KLHDC10: variants seen among roughly 807,000 people sequenced by gnomAD.
The protein encoded by KLHDC10 is kelch domain-containing protein 10.
In KLHDC10, 24 loss-of-function variants were observed where a neutral mutation model predicts 56.1. The observed-to-expected ratio is 0.43, with a 90% CI of 0.31 to 0.60. The LOEUF is 0.60. Ranked by LOEUF, KLHDC10 falls within the 20% of genes least tolerant of loss-of-function variation. The probability of loss-of-function intolerance (pLI) is 0.11; values close to 1 mark genes in which losing one functional copy is unlikely to be tolerated. For synonymous variants in KLHDC10, 188 were observed against 207.1 expected, an observed-to-expected ratio of 0.91 and a Z score of 0.79; for missense variants, 349 against 567.0, an observed-to-expected ratio of 0.62 and a Z score of 3.91.
chr7:130,080,290 T>C (rs1021055487), intron 1 of KLHDC10, among the ~76,000 whole-genome samples: 3 of 152,142 alleles, frequency 2.0e-5, no homozygotes, highest in Non-Finnish European at 4.4e-5. Flanking sequence ...TTAAATGGCA[T>C]TGAAGTTAAA....
intron 1 of KLHDC10, among the ~76,000 whole-genome samples, chr7:130,093,707 G>A (rs958150600): frequency 1.3e-5 from 2 of 152,118 alleles, no homozygotes; most frequent in Admixed American, 6.5e-5. Flanking sequence ...CTGTTATGTT[G>A]CTGGTTTCTC....
rs1796418233 is a variant in KLHDC10, at chr7:130,132,744, T to G, written c.*1998T>G. Reference sequence around the variant, plus strand: ...CCATTAGTCCAAAACAGAGCTTTGCTGCATGACTTCAGCCTGGCCTCTGGA... The same window carrying G: ...CCATTAGTCCAAAACAGAGCTTTGCGGCATGACTTCAGCCTGGCCTCTGGA... On this transcript the variant is annotated 3_prime_UTR_variant, in exon 10 of 10. Transcript: ENST00000335420. 6.6e-6 allele frequency: 1 copy of G among 152,276 alleles called. No individual in the cohort carries two copies. Among genetic ancestry groups the G allele is most frequent in the African/African-American group, 2.4e-5 (1 of 41,464 alleles). 9.4% of individuals were successfully genotyped at this position (152,276 alleles called of 1,614,324 possible).
At chr7:130,085,490 A>G (rs1795674850) in intron 1 of KLHDC10, among the ~76,000 whole-genome samples, 1 of 151,946 alleles carries the variant, frequency 6.6e-6, no homozygotes, top group Non-Finnish European at 1.5e-5. Flanking sequence ...ACATGTTTCA[A>G]GAAGGAGGGA....
At chr7:130,127,535 A>G in intron 8 of KLHDC10, 84 bp downstream of exon 8, 1 of 934,502 alleles carries the variant, frequency 1.1e-6, no homozygotes, top group East Asian at 2.4e-5. Context: ...AGCCCCCTCA[A>G]AAGAGGCTCA....
chr7:130,118,070 G>A (rs1796195055), intron 3 of KLHDC10, among the ~76,000 whole-genome samples: 1 of 151,970 alleles, frequency 6.6e-6, no homozygotes, highest in Non-Finnish European at 1.5e-5. Flanking sequence ...CTACTCAGGA[G>A]GCTGAGGCAG....
intron 1 of KLHDC10, among the ~76,000 whole-genome samples, chr7:130,094,157 C>G (rs989762024): frequency 6.6e-6 from 1 of 151,994 alleles, no homozygotes; most frequent in Non-Finnish European, 1.5e-5. Flanking sequence ...AACTCCTGGC[C>G]TCAAGTGATC....
chr7:130,123,037 A>T (rs1796270836), intron 5 of KLHDC10, among the ~76,000 whole-genome samples: 1 of 152,012 alleles, frequency 6.6e-6, no homozygotes, highest in Admixed American at 6.6e-5. Flanking sequence ...GGATGGATGG[A>T]TGGATGGATG....
At chr7:130,092,472 T>C (rs1050735369) in intron 1 of KLHDC10, among the ~76,000 whole-genome samples, 1 of 152,206 alleles carries the variant, frequency 6.6e-6, no homozygotes, top group African/African-American at 2.4e-5. Flanking sequence ...ATCTGTTTAT[T>C]GCAGCAGGTC....
intron 1 of KLHDC10, among the ~76,000 whole-genome samples, chr7:130,082,235 G>A (rs1795618640): frequency 6.6e-6 from 1 of 152,098 alleles, no homozygotes; most frequent in Non-Finnish European, 1.5e-5. Flanking sequence ...GAGGCAGGAG[G>A]ATTGTCTGAG....
chr7:130,075,267 CATT>C (rs1276711003), intron 1 of KLHDC10, among the ~76,000 whole-genome samples: 1 of 152,068 alleles, frequency 6.6e-6, no homozygotes, highest in Non-Finnish European at 1.5e-5. Flanking sequence ...AACAGTTAAA[CATT>C]GTTGCTAACA....
intron 2 of KLHDC10, among the ~76,000 whole-genome samples, chr7:130,105,714 A>G (rs566674287): frequency 2.0e-5 from 3 of 152,272 alleles, no homozygotes; most frequent in East Asian, 3.9e-4. Context: ...TGGGCAGTCA[A>G]AGGGTTTCTG....
Position 130,135,518 on chromosome 7 carries a change from G to A in KLHDC10, c.*4772G>A, listed in dbSNP as rs1051759119. On this transcript the variant is annotated 3_prime_UTR_variant, in exon 10 of 10. Coordinates refer to ENST00000335420, the MANE Select transcript of KLHDC10 (RefSeq NM_014997.4). ...CACAGTCCTGTTAAATAGTGTGGAC[G>A]TCCTTTTGCAGTCTGGTGTGCATGC... 6.5e-6 allele frequency: 1 copy of A among 154,354 alleles called. No individual in the cohort carries two copies. Among genetic ancestry groups the A allele is most frequent in the Non-Finnish European group, 1.5e-5 (1 of 68,218 alleles). The allele number at this position is 154,354 out of a possible 1,614,324, so 9.6% of individuals were successfully genotyped here.
At position 130,102,120 on chromosome 7, in the gene KLHDC10, A is replaced by G. The variant is rs186231656; in HGVS notation, c.253+5113A>G. ...ATCAAGGATCCATATGCATTAAAGG[A>G]CAATACTGTCAAAATACAGCCTGCC... On this transcript the variant is annotated intron_variant, in intron 2 of 9. Transcript: ENST00000335420. Among the ~76,000 whole-genome samples, 146 of 152,296 alleles carry G rather than the reference A, an allele frequency of 9.6e-4. 2 individuals carry two copies. The highest frequency in any genetic ancestry group is 6.8e-3 in the Middle Eastern group (2 of 294).
chr7:130,091,470 A>G (rs1795771990), intron 1 of KLHDC10, among the ~76,000 whole-genome samples: 5 of 152,212 alleles, frequency 3.3e-5, no homozygotes, highest in Admixed American at 1.3e-4. Context: ...GGTTACTTCT[A>G]TCAATTTGAC....
In KLHDC10 at chr7:130,133,898, G is replaced by A. The variant is rs771783567; in HGVS notation, c.*3152G>A. Reference sequence around the variant, plus strand: ...AGAATAGGTTGAAATCTTAACTGGGGCTAAACAAAACCCTTTCCATTGGCA... The same window carrying A: ...AGAATAGGTTGAAATCTTAACTGGGACTAAACAAAACCCTTTCCATTGGCA... On this transcript the variant is annotated 3_prime_UTR_variant, in exon 10 of 10. Coordinates refer to ENST00000335420, the MANE Select transcript of KLHDC10 (RefSeq NM_014997.4). The A allele has an allele frequency of 3.3e-5, 5 of 152,086 alleles. No individual in the cohort carries two copies. Among genetic ancestry groups the A allele is most frequent in the East Asian group, 1.9e-4 (1 of 5,194 alleles). The allele number at this position is 152,086 out of a possible 1,614,324, so 9.4% of individuals were successfully genotyped here. A position where few individuals can be genotyped will look rare whatever the true frequency, so the allele number is the denominator to read the frequency against.
chr7:130,072,169 T>G (rs1285699434), intron 1 of KLHDC10, among the ~76,000 whole-genome samples: 1 of 152,220 alleles, frequency 6.6e-6, no homozygotes, highest in Non-Finnish European at 1.5e-5. Flanking sequence ...TTTTTGTGTA[T>G]TGGCAGCTTA....
chr7:130,096,729 C>A (rs550332727), intron 1 of KLHDC10, among the ~76,000 whole-genome samples, 192 bp from the exon 2 acceptor site: 1 of 152,248 alleles, frequency 6.6e-6, no homozygotes, highest in African/African-American at 2.4e-5. Context: ...GAGTTGAAAA[C>A]CTTCATCACT....
At chr7:130,111,337 C>T (rs1796097313) in intron 2 of KLHDC10, among the ~76,000 whole-genome samples, 1 of 152,126 alleles carries the variant, frequency 6.6e-6, no homozygotes, top group Non-Finnish European at 1.5e-5. Flanking sequence ...GATTGAGAGA[C>T]TCAACACCTC....
chr7:130,116,720 G>C lies in KLHDC10; in HGVS notation c.475+54G>C. 2 of 1,371,496 alleles carry C rather than the reference G, an allele frequency of 1.5e-6. No individual in the cohort carries two copies. The highest frequency in any genetic ancestry group is 2.1e-6 in the Non-Finnish European group (2 of 960,472). 85.0% of individuals were successfully genotyped at this position (1,371,496 alleles called of 1,614,324 possible). A position where few individuals can be genotyped will look rare whatever the true frequency, so the allele number is the denominator to read the frequency against. Reference sequence around the variant, plus strand: ...CTTTATGAAATGTCTGAGAAGCCAGGTTCAATGTCCCATATTCCTCATTAA... The same window carrying C: ...CTTTATGAAATGTCTGAGAAGCCAGCTTCAATGTCCCATATTCCTCATTAA... On this transcript the variant is annotated intron_variant, in intron 3 of 9. Coordinates refer to ENST00000335420, the MANE Select transcript of KLHDC10 (RefSeq NM_014997.4). This position sits in a 1 kb window ranked among gnomAD's most constrained non-coding sequence, Gnocchi z 4.8.
Sources: gnomAD v4.1 joint callset for allele counts (sites outside exome capture counted in the v4.1 genomes callset) on GRCh38, gnomAD v4.1.1 for gene constraint, Gnocchi (gnomAD v3.1) non-coding constraint, MANE v1.5 for transcripts, NCBI Gene and HGNC (gene_info 2026-07-23, HGNC 2026-07-21) for gene names.